PPP1R1C: variants seen among roughly 807,000 people sequenced by gnomAD.
The protein encoded by PPP1R1C is protein phosphatase 1 regulatory subunit 1C.
Under a neutral mutation model 17.4 loss-of-function variants are expected in PPP1R1C, and 15 were observed. The ratio of observed to expected loss-of-function variants is 0.86; its 90% CI spans 0.58 to 1.33. PPP1R1C has a LOEUF of 1.33. PPP1R1C is among the 40% of genes most tolerant of loss of function. The pLI, the probability that PPP1R1C is intolerant of heterozygous loss-of-function variation, is 0.00. For synonymous variants in PPP1R1C, 35 were observed against 43.1 expected, an observed-to-expected ratio of 0.81 and a Z score of 0.73; for missense variants, 143 against 130.0, an observed-to-expected ratio of 1.10 and a Z score of -0.48.
chr2:181,986,439 C>T (rs1225316243), intron 1 of PPP1R1C, among the ~76,000 whole-genome samples: 1 of 152,036 alleles, frequency 6.6e-6, no homozygotes, highest in Non-Finnish European at 1.5e-5. Context: ...GCTCTGTAAG[C>T]AATTCAGATA....
chr2:181,986,021 T>G lies in PPP1R1C; in HGVS notation c.-90T>G. 1.0e-6 allele frequency: 1 copy of G among 957,664 alleles called. No individual in the cohort carries two copies. Among genetic ancestry groups the G allele is most frequent in the East Asian group, 2.4e-5 (1 of 41,992 alleles). 59.3% of individuals were successfully genotyped at this position (957,664 alleles called of 1,614,324 possible). A position where few individuals can be genotyped will look rare whatever the true frequency, so the allele number is the denominator to read the frequency against. Reference sequence around the variant, plus strand: ...TTACGAAGCACTCTGTGTGGCTTAGTGGAGTGTGTCTGAGGAAACACATCC... The same window carrying G: ...TTACGAAGCACTCTGTGTGGCTTAGGGGAGTGTGTCTGAGGAAACACATCC... On this transcript the variant is annotated 5_prime_UTR_variant, in exon 1 of 5. Transcript: ENST00000682840.
At chr2:182,065,024 C>T (rs985419202) in intron 4 of PPP1R1C, among the ~76,000 whole-genome samples, 4 of 151,826 alleles carry the variant, frequency 2.6e-5, no homozygotes, top group South Asian at 2.1e-4. Context: ...AATCTTAAAC[C>T]GAAAGTCTCA....
intron 4 of PPP1R1C, among the ~76,000 whole-genome samples, chr2:182,094,866 A>T (rs545456872): frequency 1.3e-5 from 2 of 152,228 alleles, no homozygotes; most frequent in African/African-American, 4.8e-5. Context: ...GGCTAGGTAT[A>T]TTAGATGCAT....
At chr2:181,980,073 C>T (rs577765822) in intron 2 of PPP1R1C, among the ~76,000 whole-genome samples, 1 of 152,282 alleles carries the variant, frequency 6.6e-6, no homozygotes, top group African/African-American at 2.4e-5. Context: ...CTTCTTCTCT[C>T]AACTGTATGT....
intron 2 of PPP1R1C, among the ~76,000 whole-genome samples, chr2:182,035,800 T>C (rs1192587534): frequency 6.6e-6 from 1 of 152,150 alleles, no homozygotes; most frequent in Non-Finnish European, 1.5e-5. Flanking sequence ...AAACCTCTCT[T>C]CTTTATAAAT....
At chr2:182,124,315 T>G (rs756060571) in intron 5 of PPP1R1C, among the ~76,000 whole-genome samples, 2,207 of 72,994 alleles carry the variant, frequency 0.03, 22 homozygotes, top group South Asian at 0.078. Context: ...TTTTTTTTTG[T>G]TTTTTTTTTT....
intron 2 of PPP1R1C, among the ~76,000 whole-genome samples, chr2:182,054,481 C>T (rs562705556): frequency 1.8e-4 from 27 of 152,278 alleles, no homozygotes; most frequent in African/African-American, 6.5e-4. Flanking sequence ...CTGGCAACTA[C>T]TAATCTCTTC....
chr2:181,971,213 C>T (rs1685000481), intron 1 of PPP1R1C, among the ~76,000 whole-genome samples: 1 of 152,170 alleles, frequency 6.6e-6, no homozygotes, highest in Admixed American at 6.5e-5. Context: ...CTGAGTTACA[C>T]CCAAGGCCCA....
chr2:182,097,956 C>T (rs1422047117), intron 4 of PPP1R1C, among the ~76,000 whole-genome samples: 3 of 152,156 alleles, frequency 2.0e-5, no homozygotes, highest in Non-Finnish European at 2.9e-5. Context: ...TTACCTCTCA[C>T]GTGATCAAAC....
chr2:181,977,938 A>G (rs900694313), intron 2 of PPP1R1C, among the ~76,000 whole-genome samples: 6 of 152,280 alleles, frequency 3.9e-5, no homozygotes, highest in African/African-American at 1.2e-4. Flanking sequence ...GACATCTTGT[A>G]TTAGTCTGTT....
chr2:182,018,278 GT>G (rs983867006), intron 2 of PPP1R1C, among the ~76,000 whole-genome samples: 8 of 152,100 alleles, frequency 5.3e-5, no homozygotes, highest in African/African-American at 1.7e-4. Flanking sequence ...TTACAAACTA[GT>G]TTAAGGAAAC....
At chr2:181,955,628 C>T (rs541905886) in intron 1 of PPP1R1C, among the ~76,000 whole-genome samples, 102 of 152,208 alleles carry the variant, frequency 6.7e-4, no homozygotes, top group African/African-American at 2.4e-3. Flanking sequence ...TCATACAAGC[C>T]TTGATAATAA....
At chr2:181,963,943 C>G (rs1055038307) in intron 1 of PPP1R1C, among the ~76,000 whole-genome samples, 7 of 151,886 alleles carry the variant, frequency 4.6e-5, no homozygotes, top group Non-Finnish European at 1.0e-4. Context: ...AAACATTTAT[C>G]CTTTCTTTGT....
At chr2:182,043,841 AC>A (rs942911683) in intron 2 of PPP1R1C, among the ~76,000 whole-genome samples, 12 of 151,398 alleles carry the variant, frequency 7.9e-5, no homozygotes, top group African/African-American at 2.7e-4. Context: ...GGCTTTATTG[AC>A]CCCCTAGGTG....
At position 181,962,439 on chromosome 2, in the gene PPP1R1C, G is replaced by A; in HGVS notation, n.111+7805G>A. On this transcript the variant is annotated intron_variant and non_coding_transcript_variant, in intron 1 of 5. Transcript: ENST00000464264. The surrounding 1 kb of genome is among the most constrained non-coding windows in gnomAD (Gnocchi z 6.0). ...GACACCTGGACAGAGCCCAGGAACAGGTAGTTGGTGGAGAAGATGGAGCGA... is the reference window on the plus strand; with the variant it reads ...GACACCTGGACAGAGCCCAGGAACAAGTAGTTGGTGGAGAAGATGGAGCGA... 1 of 706,998 alleles carries A rather than the reference G, an allele frequency of 1.4e-6. No individual in the cohort carries two copies. The highest frequency in any genetic ancestry group is 1.8e-5 in the Admixed American group (1 of 55,324). The allele number at this position is 706,998 out of a possible 1,614,324, so 43.8% of individuals were successfully genotyped here. A position where few individuals can be genotyped will look rare whatever the true frequency, so the allele number is the denominator to read the frequency against.
At chr2:181,998,901 T>A (rs890059097) in intron 2 of PPP1R1C, among the ~76,000 whole-genome samples, 1 of 152,180 alleles carries the variant, frequency 6.6e-6, no homozygotes, top group African/African-American at 2.4e-5. Context: ...CCACTCACCA[T>A]CACATTTCAG....
upstream of PPP1R1C, among the ~76,000 whole-genome samples, chr2:181,984,218 GTAATC>G (rs1359900349): frequency 6.6e-6 from 1 of 152,148 alleles, no homozygotes; most frequent in Non-Finnish European, 1.5e-5. Context: ...CAGGAATTGA[GTAATC>G]TAAACCTCAC....
In PPP1R1C at chr2:181,967,793, G is replaced by C. The variant is rs530155263; in HGVS notation, n.112-7426G>C. Among the ~76,000 whole-genome samples the C allele has an allele frequency of 6.6e-5, 10 of 152,148 alleles. No individual in the cohort carries two copies. The East Asian group carries it at 1.9e-3, about 29-fold the overall frequency. On this transcript the variant is annotated intron_variant and non_coding_transcript_variant, in intron 1 of 5. Coordinates refer to the PPP1R1C transcript ENST00000464264. This position sits in a 1 kb window ranked among gnomAD's most constrained non-coding sequence, Gnocchi z 5.5. ...TGCAATGGCACATTCTTGGCTCACT[G>C]CAACCTCCGCCTTCCAGGTTCAAGC...
At chr2:182,002,375 AAAAT>A (rs1685792222) in intron 2 of PPP1R1C, among the ~76,000 whole-genome samples, 1 of 152,130 alleles carries the variant, frequency 6.6e-6, no homozygotes, top group South Asian at 2.1e-4. Context: ...AAACTGACAT[AAAAT>A]AAATTGAGAA....
Sources: allele counts gnomAD v4.1 joint callset (sites outside exome capture counted in the v4.1 genomes callset), GRCh38; gene constraint gnomAD v4.1.1; non-coding constraint Gnocchi (gnomAD v3.1); transcripts MANE v1.5; gene names NCBI Gene and HGNC (gene_info 2026-07-23, HGNC 2026-07-21).